BZW1: variants seen among roughly 807,000 people sequenced by gnomAD.
BZW1 encodes eIF5-mimic protein 2.
Under a neutral mutation model 54.1 loss-of-function variants are expected in BZW1, and 3 were observed. That is an observed-to-expected ratio of 0.06 (90% CI 0.03 to 0.14). The LOEUF (loss-of-function observed/expected upper bound fraction) is 0.14. Ranked by LOEUF, BZW1 falls within the 10% of genes least tolerant of loss-of-function variation. The pLI, the probability that BZW1 is intolerant of heterozygous loss-of-function variation, is 1.00. For synonymous variants in BZW1, 152 were observed against 162.7 expected, an observed-to-expected ratio of 0.93 and a Z score of 0.50; for missense variants, 206 against 491.7, an observed-to-expected ratio of 0.42 and a Z score of 5.50.
chr2:200,821,118 G>A lies in BZW1; in HGVS notation c.1106-65G>A, dbSNP rs1001320098. 4 of 1,556,968 alleles carry A rather than the reference G, an allele frequency of 2.6e-6. No homozygotes were observed. In the African/African-American group the frequency reaches 4.1e-5, roughly 16 times the overall value. ...TGCTAAGCAGGCATTTGCACATTAGGTGGTGGTTCTAACGCTGAGTAGAGT... is the reference window on the plus strand; with the variant it reads ...TGCTAAGCAGGCATTTGCACATTAGATGGTGGTTCTAACGCTGAGTAGAGT... On this transcript the variant is annotated intron_variant, in intron 10 of 11. Transcript: ENST00000409600.
chr2:200,814,399 T>C (rs570468435), intron 2 of BZW1, among the ~76,000 whole-genome samples: 2 of 152,140 alleles, frequency 1.3e-5, no homozygotes, highest in Non-Finnish European at 2.9e-5. Context: ...GACACAAGAC[T>C]TTCAGTGCTA....
rs1277175347 is a variant in BZW1, at chr2:200,825,021, C to T, written c.*2843C>T. 1 of 151,874 alleles carries T rather than the reference C, an allele frequency of 6.6e-6. No homozygotes were observed. Among genetic ancestry groups the T allele is most frequent in the Non-Finnish European group, 1.5e-5 (1 of 67,984 alleles). 9.4% of individuals were successfully genotyped at this position (151,874 alleles called of 1,614,324 possible). A position where few individuals can be genotyped will look rare whatever the true frequency, so the allele number is the denominator to read the frequency against. On this transcript the variant is annotated 3_prime_UTR_variant, in exon 12 of 12. Transcript: ENST00000409600. ...CATAAATTTTATTACCATAGATACG[C>T]TGTGTATGTACTGTTTCTGTGCTTT...
rs558496103 is a variant in BZW1, at chr2:200,812,427, C to T, written c.-11+437C>T. 5.1e-4 allele frequency: 654 copies of T among 1,285,894 alleles called. 1 individual carries two copies. In the African/African-American group the frequency reaches 7.4e-3, roughly 15 times the overall value. 79.7% of individuals were successfully genotyped at this position (1,285,894 alleles called of 1,614,324 possible). A position where few individuals can be genotyped will look rare whatever the true frequency, so the allele number is the denominator to read the frequency against. On this transcript the variant is annotated intron_variant, in intron 1 of 11. Transcript: ENST00000409600. ...GGGCGGATGTACGGGGCGCCTGGGG[C>T]CCCGGCGCAAAGCGCCTCAGTGACT...
Position 200,827,194 on chromosome 2 carries a change from C to T in BZW1, c.*5016C>T, listed in dbSNP as rs900052946. 3 of 152,156 alleles carry T rather than the reference C, an allele frequency of 2.0e-5. No individual in the cohort carries two copies. The highest frequency in any genetic ancestry group is 7.2e-5 in the African/African-American group (3 of 41,440). 9.4% of individuals were successfully genotyped at this position (152,156 alleles called of 1,614,324 possible). On this transcript the variant is annotated 3_prime_UTR_variant, in exon 12 of 12. Coordinates refer to ENST00000409600, the MANE Select transcript of BZW1 (RefSeq NM_001207067.2). Reference sequence around the variant, plus strand: ...AGCTGGTAACTCATTTAGCTCTTGGCACTCTAAAAAACCTCAAATACAGCC... The same window carrying T: ...AGCTGGTAACTCATTTAGCTCTTGGTACTCTAAAAAACCTCAAATACAGCC...
chr2:200,826,397 A>C lies in BZW1; in HGVS notation c.*4219A>C. 1.6e-5 allele frequency: 1 copy of C among 63,404 alleles called. No homozygotes were observed. Among genetic ancestry groups the C allele is most frequent in the South Asian group, 4.1e-4 (1 of 2,434 alleles). The allele number at this position is 63,404 out of a possible 1,614,324, so 3.9% of individuals were successfully genotyped here. On this transcript the variant is annotated 3_prime_UTR_variant, in exon 12 of 12. Coordinates refer to ENST00000409600, the MANE Select transcript of BZW1 (RefSeq NM_001207067.2). ...TATAGATAGATAGATAGATAGATAG[A>C]TAGATAGATATTTTTTTTTTTTTTT... is the stretch of plus-strand genomic sequence containing the variant.
intron 4 of BZW1, 140 bp from the exon 5 acceptor site, chr2:200,816,185 C>T (rs2038282838): frequency 5.7e-6 from 3 of 526,982 alleles, no homozygotes; most frequent in Non-Finnish European, 6.6e-6. Flanking sequence ...GTACATCTAA[C>T]CTGGACATTC....
chr2:200,826,401 ATAGATATTTT>A lies in BZW1; in HGVS notation c.*4225_*4234del, dbSNP rs1219921312. 11 of 65,236 alleles carry A rather than the reference ATAGATATTTT, an allele frequency of 1.7e-4. No homozygotes were observed. Among genetic ancestry groups the A allele is most frequent in the African/African-American group, 6.1e-4 (11 of 18,148 alleles). 4.0% of individuals were successfully genotyped at this position (65,236 alleles called of 1,614,324 possible). A position where few individuals can be genotyped will look rare whatever the true frequency, so the allele number is the denominator to read the frequency against. ...GATAGATAGATAGATAGATAGATAG[ATAGATATTTT>A]TTTTTTTTTTTTTTTTTTTTTTTTT... is the stretch of plus-strand genomic sequence containing the variant. On this transcript the variant is annotated 3_prime_UTR_variant, in exon 12 of 12. Transcript: ENST00000409600.
rs1485754793 is a variant in BZW1 at position 200,826,510 on chromosome 2, C to T, written c.*4332C>T. On this transcript the variant is annotated 3_prime_UTR_variant, in exon 12 of 12. Transcript: ENST00000409600. ...CACAATCTCGGCTCACTGCAAGCTC[C>T]GCCTTGGGGGTTCACACCATTCTCC... is the stretch of plus-strand genomic sequence containing the variant. 6.8e-6 allele frequency: 1 copy of T among 146,698 alleles called. No individual in the cohort carries two copies. Among genetic ancestry groups the T allele is most frequent in the African/African-American group, 2.6e-5 (1 of 39,020 alleles). The allele number at this position is 146,698 out of a possible 1,614,324, so 9.1% of individuals were successfully genotyped here.
At chr2:200,815,109 T>C (rs2038236111) in intron 2 of BZW1, among the ~76,000 whole-genome samples, 1 of 152,236 alleles carries the variant, frequency 6.6e-6, no homozygotes, top group South Asian at 2.1e-4. Context: ...AATTGGCTTA[T>C]GGCAGTAGGA....
At chr2:200,819,002 G>C in intron 9 of BZW1, 101 bp downstream of exon 9, 7 of 1,360,480 alleles carry the variant, frequency 5.1e-6, no homozygotes, top group South Asian at 1.5e-5. Flanking sequence ...ACATCCTGTG[G>C]TTCCTAGGGA....
At chr2:200,815,843 GT>G in intron 4 of BZW1, 82 bp downstream of exon 4, 1 of 1,301,546 alleles carries the variant, frequency 7.7e-7, no homozygotes, top group Non-Finnish European at 1.0e-6. Context: ...TTTAAGAGTT[GT>G]GGTTAGAAAG....
In BZW1 at chr2:200,811,919, C is replaced by G. The variant is rs1331899196; in HGVS notation, c.-82C>G. Reference sequence around the variant, plus strand: ...CCCTCCTCCTGGCGTTAGTTCCGGTCGCAGAGGAGACACCGCCGCAGTTGC... The same window carrying G: ...CCCTCCTCCTGGCGTTAGTTCCGGTGGCAGAGGAGACACCGCCGCAGTTGC... On this transcript the variant is annotated 5_prime_UTR_variant, in exon 1 of 12. Transcript: ENST00000409600. 4.2e-6 allele frequency: 1 copy of G among 238,996 alleles called. No individual in the cohort carries two copies. Among genetic ancestry groups the G allele is most frequent in the South Asian group, 1.8e-4 (1 of 5,646 alleles). 14.8% of individuals were successfully genotyped at this position (238,996 alleles called of 1,614,324 possible).
At position 200,816,344 on chromosome 2, in the gene BZW1, G is replaced by T; in HGVS notation, c.356G>T (p.Arg119Met). 6.3e-7 allele frequency: 1 copy of T among 1,588,922 alleles called. No individual in the cohort carries two copies. Among genetic ancestry groups the T allele is most frequent in the Non-Finnish European group, 8.6e-7 (1 of 1,161,948 alleles). Residue 119 changes from arginine (R) to methionine (M), a missense_variant, in exon 5 of 12, where the codon AGG becomes ATG. By Grantham distance (91) the Arg-to-Met change is moderately conservative. This residue lies in a region of BZW1 where 81 missense variants were observed against 257.1 expected (regional missense o/e 0.32). Coordinates refer to ENST00000409600, the MANE Select transcript of BZW1 (RefSeq NM_001207067.2). ...TCATAGGTTTTTAACAAGTTAATCA[G>T]GCGCTACAAATACCTGGAGAAAGGT... ...AFAQVFNKLI[R>M]RYKYLEKGFE...
At chr2:200,812,180 C>T (rs971053108) in intron 1 of BZW1, 190 bp downstream of exon 1, 6 of 1,198,822 alleles carry the variant, frequency 5.0e-6, no homozygotes, top group Non-Finnish European at 5.2e-6. Context: ...GGGGTAGCGG[C>T]GGCCCGGGTG....
chr2:200,811,642 C>T (rs930352753), upstream of BZW1: 1 of 152,282 alleles, frequency 6.6e-6, no homozygotes, highest in Non-Finnish European at 1.5e-5. Context: ...TCTTCCAACC[C>T]CTCCATGTGT....
intron 11 of BZW1, among the ~76,000 whole-genome samples, chr2:200,821,694 C>T (rs1055498975): frequency 1.3e-5 from 2 of 152,092 alleles, no homozygotes; most frequent in African/African-American, 2.4e-5. Context: ...TGCACCCAGC[C>T]AAATGTTGGG....
intron 5 of BZW1, 33 bp downstream of exon 5, chr2:200,816,423 A>G: frequency 2.8e-6 from 4 of 1,418,294 alleles, no homozygotes; most frequent in Non-Finnish European, 3.9e-6. Flanking sequence ...TGGAAAAGAA[A>G]AAAATAGGGT....
In BZW1 at chr2:200,826,040, C is replaced by G. The variant is rs781433790; in HGVS notation, c.*3862C>G. ...TACTAAGGCCTACAGGTTAAAATAC[C>G]AGGAATAAAAAGGTTTTCAGTGGAC... On this transcript the variant is annotated 3_prime_UTR_variant, in exon 12 of 12. Transcript: ENST00000409600. 4.6e-5 allele frequency: 7 copies of G among 152,060 alleles called. No homozygotes were observed. The highest frequency in any genetic ancestry group is 1.0e-4 in the Non-Finnish European group (7 of 68,006). The allele number at this position is 152,060 out of a possible 1,614,324, so 9.4% of individuals were successfully genotyped here. A position where few individuals can be genotyped will look rare whatever the true frequency, so the allele number is the denominator to read the frequency against.
intron 4 of BZW1, among the ~76,000 whole-genome samples, 169 bp from the exon 5 acceptor site, chr2:200,816,156 C>T (rs1030106151): frequency 6.6e-6 from 1 of 152,196 alleles, no homozygotes; most frequent in Non-Finnish European, 1.5e-5. Flanking sequence ...GTTTGTGTTA[C>T]TGTAAGCAAA....
Sources: allele counts gnomAD v4.1 joint callset (sites outside exome capture counted in the v4.1 genomes callset), GRCh38; gene constraint gnomAD v4.1.1; regional missense constraint gnomAD v4.1.1; transcripts MANE v1.5; gene names NCBI Gene and HGNC (gene_info 2026-07-23, HGNC 2026-07-21).